The following SEL1L3 variants were observed in gnomAD, a reference collection of about 807,000 sequenced individuals.
SEL1L3 encodes SEL1L family member 3, also known as protein sel-1 homolog 3.
In SEL1L3, 76 loss-of-function variants were observed where a neutral mutation model predicts 142.8. The observed-to-expected ratio is 0.53, with a 90% CI of 0.44 to 0.64. The LOEUF (loss-of-function observed/expected upper bound fraction) is 0.64. Ranked by LOEUF, SEL1L3 falls within the 30% of genes least tolerant of loss-of-function variation. SEL1L3 has a pLI of 0.00. For missense variants in SEL1L3, 1,262 were observed against 1,381.7 expected (o/e 0.91, Z 1.37); for synonymous variants, 504 against 519.6 (o/e 0.97, Z 0.41).
intron 12 of SEL1L3, among the ~76,000 whole-genome samples, chr4:25,789,894 A>G (rs1369237942): frequency 5.3e-5 from 8 of 152,200 alleles, no homozygotes; most frequent in Non-Finnish European, 7.3e-5. Context: ...ACCTCTTAAA[A>G]GTCCATCCAA....
At chr4:25,726,700 TA>T in the SEL1L3 span, among the ~76,000 whole-genome samples, 61 of 152,308 alleles carry the variant, frequency 4.0e-4, no homozygotes, top group African/African-American at 1.4e-3. Context: ...AAGTCCCAGA[TA>T]CCCTTTGGGT....
intron 2 of SEL1L3, among the ~76,000 whole-genome samples, chr4:25,838,664 GC>G (rs1234623345): frequency 1.3e-5 from 2 of 152,124 alleles, no homozygotes; most frequent in East Asian, 3.9e-4. Flanking sequence ...ACCCACCCTG[GC>G]CCCTCCTTCA....
chr4:25,846,591 C>T (rs905160650), intron 2 of SEL1L3, among the ~76,000 whole-genome samples: 2 of 152,020 alleles, frequency 1.3e-5, no homozygotes, highest in South Asian at 2.1e-4. Flanking sequence ...TTCTCATCTC[C>T]TCCAGGATAA....
At chr4:25,828,750 T>C (rs780267703) in intron 6 of SEL1L3, among the ~76,000 whole-genome samples, 4 of 152,132 alleles carry the variant, frequency 2.6e-5, no homozygotes, top group Non-Finnish European at 5.9e-5. Flanking sequence ...TGTCTGCCCC[T>C]CTTTGCTTCC....
chr4:25,770,977 C>A (rs1560287300), intron 17 of SEL1L3, among the ~76,000 whole-genome samples: 1 of 151,994 alleles, frequency 6.6e-6, no homozygotes, highest in Non-Finnish European at 1.5e-5. Context: ...TTTAGCCTTC[C>A]AGCACTTTGC....
chr4:25,749,648 T>C (rs1193681444), intron 23 of SEL1L3, among the ~76,000 whole-genome samples: 1 of 152,140 alleles, frequency 6.6e-6, no homozygotes, highest in Non-Finnish European at 1.5e-5. Context: ...ACCAGGACAA[T>C]AAGCATGTTG....
At chr4:25,743,926 T>A (rs1717187446), downstream of SEL1L3, among the ~76,000 whole-genome samples, 1 of 152,020 alleles carries the variant, frequency 6.6e-6, no homozygotes, top group African/African-American at 2.4e-5. Context: ...TTGTGGAAAT[T>A]CAGTTTAGAA....
the SEL1L3 span, chr4:25,720,281 AT>A: frequency 6.6e-6 from 1 of 152,174 alleles, no homozygotes; most frequent in African/African-American, 2.4e-5. Flanking sequence ...ACTGGGAAGA[AT>A]TTTAAGGAGA....
chr4:25,828,587 T>C (rs944568009), intron 6 of SEL1L3, among the ~76,000 whole-genome samples: 1 of 152,068 alleles, frequency 6.6e-6, no homozygotes, highest in African/African-American at 2.4e-5. Flanking sequence ...GGTTTCACTA[T>C]GTTGACCAGG....
chr4:25,781,672 G>A (rs961882396), intron 15 of SEL1L3, among the ~76,000 whole-genome samples: 1 of 152,174 alleles, frequency 6.6e-6, no homozygotes, highest in African/African-American at 2.4e-5. Flanking sequence ...TAACTTCGCA[G>A]AACCTCAGTC....
intron 15 of SEL1L3, among the ~76,000 whole-genome samples, chr4:25,779,724 G>A (rs913948916): frequency 2.5e-4 from 38 of 152,136 alleles, no homozygotes; most frequent in African/African-American, 6.0e-4. Flanking sequence ...TCAGAGACAG[G>A]TAGAGGGAAA....
intron 7 of SEL1L3, among the ~76,000 whole-genome samples, chr4:25,820,728 T>C (rs1012753499): frequency 6.6e-6 from 1 of 152,256 alleles, no homozygotes; most frequent in Non-Finnish European, 1.5e-5. Context: ...TGAATATATG[T>C]ATGCATATGT....
chr4:25,859,409 C>G (rs1440831503), intron 1 of SEL1L3, among the ~76,000 whole-genome samples: 1 of 152,194 alleles, frequency 6.6e-6, no homozygotes, highest in East Asian at 1.9e-4. Context: ...CACAATTATT[C>G]ATGCTTTGGC....
chr4:25,753,984 CATAAATAAATAAATAAATAA>C (rs35245204), intron 23 of SEL1L3, among the ~76,000 whole-genome samples: 2 of 143,426 alleles, frequency 1.4e-5, no homozygotes, highest in Non-Finnish European at 3.0e-5. Flanking sequence ...TCCGTCTCAA[CATAAATAAATAAATAAATAA>C]ATAAATAAAT....
At chr4:25,827,928 T>C (rs1715196698) in intron 6 of SEL1L3, among the ~76,000 whole-genome samples, 1 of 152,202 alleles carries the variant, frequency 6.6e-6, no homozygotes, top group African/African-American at 2.4e-5. Context: ...AACATGGAGA[T>C]CTGATCTCCA....
At chr4:25,721,030 A>G in the SEL1L3 span, 1 of 152,162 alleles carries the variant, frequency 6.6e-6, no homozygotes, top group Admixed American at 6.5e-5. Context: ...CTTCTGAGAT[A>G]ATGAATAGAA....
At chr4:25,800,386 G>A (rs1449472354) in intron 11 of SEL1L3, among the ~76,000 whole-genome samples, 1 of 152,158 alleles carries the variant, frequency 6.6e-6, no homozygotes, top group Non-Finnish European at 1.5e-5. Flanking sequence ...TCTTAATCAG[G>A]TGACTTTTCA....
At chr4:25,732,483 T>G in the SEL1L3 span, among the ~76,000 whole-genome samples, 1 of 152,180 alleles carries the variant, frequency 6.6e-6, no homozygotes, top group Non-Finnish European at 1.5e-5. Context: ...AGAGTTCCAG[T>G]TGTTTTAAGT....
intron 23 of SEL1L3, 115 bp from the exon 24 acceptor site, chr4:25,748,679 T>C (rs1717400360): frequency 9.4e-7 from 1 of 1,060,284 alleles, no homozygotes; most frequent in Non-Finnish European, 1.3e-6. Context: ...CTAATGAACC[T>C]GACACTAACT....
Sources: gnomAD v4.1 joint callset for allele counts (sites outside exome capture counted in the v4.1 genomes callset) on GRCh38, gnomAD v4.1.1 for gene constraint, MANE v1.5 for transcripts, NCBI Gene and HGNC (gene_info 2026-07-23, HGNC 2026-07-21) for gene names.